The following CNKSR3 variants were observed in gnomAD, a reference collection of about 807,000 sequenced individuals.
CNKSR3 encodes CNKSR family member 3.
In CNKSR3, 36 loss-of-function variants were observed where a neutral mutation model predicts 67.7. That is an observed-to-expected ratio of 0.53 (90% CI 0.41 to 0.70). CNKSR3 has a LOEUF of 0.70. Ranked by LOEUF, CNKSR3 falls within the 30% of genes least tolerant of loss-of-function variation. The pLI is 0.00. For missense variants in CNKSR3, 630 were observed against 695.2 expected (o/e 0.91, Z 1.05); for synonymous variants, 281 against 271.4 (o/e 1.04, Z -0.35).
At chr6:154,438,323 A>G (rs1785514670) in intron 4 of CNKSR3, among the ~76,000 whole-genome samples, 1 of 151,850 alleles carries the variant, frequency 6.6e-6, no homozygotes, top group South Asian at 2.1e-4. Context: ...TATCCACTGT[A>G]TTTACATATT....
At chr6:154,416,992 C>G (rs988456824) in intron 9 of CNKSR3, among the ~76,000 whole-genome samples, 7 of 152,174 alleles carry the variant, frequency 4.6e-5, no homozygotes, top group African/African-American at 1.4e-4. Flanking sequence ...AAGTGAATTT[C>G]CAGAAGTCAA....
chr6:154,423,125 T>G (rs1055419992), intron 7 of CNKSR3, 142 bp from the exon 8 acceptor site: 11 of 582,996 alleles, frequency 1.9e-5, no homozygotes. Context: ...TTTATTCCCC[T>G]GAGACTACAC....
rs1481683126 is a variant in CNKSR3 at position 154,388,087 on chromosome 6, A to G, written c.*18267T>C. 6.6e-6 allele frequency: 1 copy of G among 152,052 alleles called. No homozygotes were observed. Among genetic ancestry groups the G allele is most frequent in the Non-Finnish European group, 1.5e-5 (1 of 68,024 alleles). 9.4% of individuals were successfully genotyped at this position (152,052 alleles called of 1,614,324 possible). On this transcript the variant is annotated 3_prime_UTR_variant, in exon 13 of 13. Coordinates refer to ENST00000607772, the MANE Select transcript of CNKSR3 (RefSeq NM_173515.4). ...AGTGTACACTGCAGTATTGTTGACT[A>G]TAGGTGCAATATTGTACCACAAATC...
chr6:154,442,428 C>G (rs1785616331), intron 2 of CNKSR3, 138 bp from the exon 3 acceptor site: 1 of 660,462 alleles, frequency 1.5e-6, no homozygotes, highest in Middle Eastern at 4.1e-4. Flanking sequence ...CGAGGCCATC[C>G]TGGCTAACAC....
intron 2 of CNKSR3, among the ~76,000 whole-genome samples, chr6:154,445,109 A>G (rs1216284209): frequency 1.3e-5 from 2 of 152,156 alleles, no homozygotes; most frequent in African/African-American, 4.8e-5. Context: ...AATAGATTTT[A>G]CTTGAAGTTT....
In CNKSR3 at chr6:154,397,114, T is replaced by C. The variant is rs552577108; in HGVS notation, c.*9240A>G. 6.6e-6 allele frequency: 1 copy of C among 152,150 alleles called. No homozygotes were observed. The highest frequency in any genetic ancestry group is 1.5e-5 in the Non-Finnish European group (1 of 68,040). 9.4% of individuals were successfully genotyped at this position (152,150 alleles called of 1,614,324 possible). A position where few individuals can be genotyped will look rare whatever the true frequency, so the allele number is the denominator to read the frequency against. On this transcript the variant is annotated 3_prime_UTR_variant, in exon 13 of 13. Coordinates refer to ENST00000607772, the MANE Select transcript of CNKSR3 (RefSeq NM_173515.4). ...ACCCACCGCGCCCGGCCTCACTAAT[T>C]GTTAGTTTAAATTACCACCTACATG...
chr6:154,440,009 T>C (rs1166329679), intron 4 of CNKSR3, among the ~76,000 whole-genome samples: 1 of 152,226 alleles, frequency 6.6e-6, no homozygotes, highest in African/African-American at 2.4e-5. Flanking sequence ...ATGCCATGCC[T>C]TCATGGCTGT....
In CNKSR3 at chr6:154,403,262, G is replaced by A. The variant is rs1784735943; in HGVS notation, c.*3092C>T. 1 of 152,064 alleles carries A rather than the reference G, an allele frequency of 6.6e-6. No individual in the cohort carries two copies. Among genetic ancestry groups the A allele is most frequent in the South Asian group, 2.1e-4 (1 of 4,814 alleles). The allele number at this position is 152,064 out of a possible 1,614,324, so 9.4% of individuals were successfully genotyped here. A position where few individuals can be genotyped will look rare whatever the true frequency, so the allele number is the denominator to read the frequency against. On this transcript the variant is annotated 3_prime_UTR_variant, in exon 13 of 13. Transcript: ENST00000607772. Reference sequence around the variant, plus strand: ...ATCTCTACTAAAAATACAAAAATTAGCCAGGTGTGGTGGCGGGCACCTGTA... The same window carrying A: ...ATCTCTACTAAAAATACAAAAATTAACCAGGTGTGGTGGCGGGCACCTGTA...
At chr6:154,434,752 T>C (rs1785436969) in intron 4 of CNKSR3, among the ~76,000 whole-genome samples, 1 of 152,192 alleles carries the variant, frequency 6.6e-6, no homozygotes, top group African/African-American at 2.4e-5. Context: ...TTTGATATTA[T>C]CTTAAACTAC....
At position 154,388,208 on chromosome 6, in the gene CNKSR3, T is replaced by G. The variant is rs1412825164; in HGVS notation, c.*18146A>C. 1 of 152,226 alleles carries G rather than the reference T, an allele frequency of 6.6e-6. No homozygotes were observed. The highest frequency in any genetic ancestry group is 1.5e-5 in the Non-Finnish European group (1 of 68,038). The allele number at this position is 152,226 out of a possible 1,614,324, so 9.4% of individuals were successfully genotyped here. A position where few individuals can be genotyped will look rare whatever the true frequency, so the allele number is the denominator to read the frequency against. ...CCCCTGGCCACCATCATTTCACTCT[T>G]TGGTTCTATGAAGTTGACTATTTTA... is the stretch of plus-strand genomic sequence containing the variant. On this transcript the variant is annotated 3_prime_UTR_variant, in exon 13 of 13. Coordinates refer to ENST00000607772, the MANE Select transcript of CNKSR3 (RefSeq NM_173515.4).
intron 4 of CNKSR3, among the ~76,000 whole-genome samples, chr6:154,439,282 T>C (rs922585248): frequency 3.2e-4 from 48 of 152,216 alleles, no homozygotes. Context: ...GTTTATTCAC[T>C]CTGGTATCCC....
At chr6:154,472,737 AT>A (rs928190851) in intron 1 of CNKSR3, among the ~76,000 whole-genome samples, 1 of 151,248 alleles carries the variant, frequency 6.6e-6, no homozygotes, top group Non-Finnish European at 1.5e-5. Flanking sequence ...AATTGTATAA[AT>A]TTTTTTTTAT....
intron 12 of CNKSR3, among the ~76,000 whole-genome samples, chr6:154,407,963 G>C (rs927641233): frequency 3.3e-5 from 5 of 149,982 alleles, no homozygotes; most frequent in African/African-American, 1.2e-4. Flanking sequence ...TTCTAATACG[G>C]CTATATTCTT....
intron 12 of CNKSR3, among the ~76,000 whole-genome samples, chr6:154,410,098 A>G (rs1463325983): frequency 1.3e-5 from 2 of 152,208 alleles, no homozygotes; most frequent in African/African-American, 4.8e-5. Flanking sequence ...GCCTTTTTAC[A>G]GCACTCAATG....
chr6:154,460,247 A>ATC (rs1786050539), intron 1 of CNKSR3, among the ~76,000 whole-genome samples: 1 of 152,222 alleles, frequency 6.6e-6, no homozygotes, highest in African/African-American at 2.4e-5. Flanking sequence ...CAGAATTCAG[A>ATC]ATATAATGGC....
intron 9 of CNKSR3, among the ~76,000 whole-genome samples, chr6:154,416,228 G>T (rs997614554): frequency 6.6e-6 from 1 of 152,186 alleles, no homozygotes; most frequent in African/African-American, 2.4e-5. Context: ...GGATTGAAAG[G>T]ACTGACTAGC....
rs1370031601 is a variant in CNKSR3, at chr6:154,392,673, T to G, written c.*13681A>C. On this transcript the variant is annotated 3_prime_UTR_variant, in exon 13 of 13. Coordinates refer to ENST00000607772, the MANE Select transcript of CNKSR3 (RefSeq NM_173515.4). ...TTTGCAGCTAGGCAACACTGCAAAC[T>G]AGCAGCAGGATTTGCTTCATTAGCA... The G allele has an allele frequency of 6.6e-6, 1 of 152,266 alleles. No individual in the cohort carries two copies. The highest frequency in any genetic ancestry group is 2.4e-5 in the African/African-American group (1 of 41,466). 9.4% of individuals were successfully genotyped at this position (152,266 alleles called of 1,614,324 possible). A position where few individuals can be genotyped will look rare whatever the true frequency, so the allele number is the denominator to read the frequency against.
intron 2 of CNKSR3, among the ~76,000 whole-genome samples, chr6:154,443,209 C>A (rs555097447): frequency 1.3e-5 from 2 of 152,206 alleles, no homozygotes; most frequent in African/African-American, 4.8e-5. Context: ...ACGGCTCATT[C>A]TTATCACTCA....
intron 1 of CNKSR3, among the ~76,000 whole-genome samples, chr6:154,499,555 C>T (rs919275663): frequency 2.0e-5 from 3 of 152,170 alleles, no homozygotes; most frequent in Non-Finnish European, 2.9e-5. Context: ...GCCTGGGAAA[C>T]GGTCTCTTGA....
Sources: gnomAD v4.1 joint callset for allele counts (sites outside exome capture counted in the v4.1 genomes callset) on GRCh38, gnomAD v4.1.1 for gene constraint, MANE v1.5 for transcripts, NCBI Gene and HGNC (gene_info 2026-07-23, HGNC 2026-07-21) for gene names.